L3MBTL4: variants seen among roughly 807,000 people sequenced by gnomAD.
L3MBTL4 encodes L3MBTL histone methyl-lysine binding protein 4.
A neutral mutation model predicts 84.5 loss-of-function variants in L3MBTL4; 70 were observed. The observed-to-expected ratio is 0.83, with a 90% CI of 0.68 to 1.01. The LOEUF (loss-of-function observed/expected upper bound fraction) is 1.01, where lower values mean the gene tolerates loss of function less well. Among genes scored for constraint, L3MBTL4 ranks in the 50% least tolerant of loss-of-function variants. The pLI is 0.00. For synonymous variants in L3MBTL4, 274 were observed against 259.8 expected, an observed-to-expected ratio of 1.05 and a Z score of -0.52; for missense variants, 715 against 754.8, an observed-to-expected ratio of 0.95 and a Z score of 0.62.
At chr18:6,284,227 A>T (rs2049454259) in intron 4 of L3MBTL4, among the ~76,000 whole-genome samples, 1 of 152,232 alleles carries the variant, frequency 6.6e-6, no homozygotes, top group Non-Finnish European at 1.5e-5. Flanking sequence ...CTACAAAGTG[A>T]GCTACCATAC....
chr18:6,398,452 C>A (rs79422952), intron 1 of L3MBTL4, among the ~76,000 whole-genome samples: 1,556 of 152,260 alleles, frequency 0.01, 15 homozygotes, highest in Non-Finnish European at 0.017. Flanking sequence ...ATGCCAACAG[C>A]AAGGACAAGG....
chr18:6,412,606 C>T (rs1232974494), intron 1 of L3MBTL4, among the ~76,000 whole-genome samples: 3 of 152,216 alleles, frequency 2.0e-5, no homozygotes, highest in East Asian at 3.9e-4. Flanking sequence ...AATCTTCCTT[C>T]AGAGTCAGCC....
intron 1 of L3MBTL4, among the ~76,000 whole-genome samples, chr18:6,331,903 A>C (rs1234440948): frequency 6.6e-6 from 1 of 152,026 alleles, no homozygotes; most frequent in Non-Finnish European, 1.5e-5. Context: ...AGGATAAATT[A>C]AGATAACTTA....
At chr18:6,246,068 G>C (rs1037542477) in intron 5 of L3MBTL4, among the ~76,000 whole-genome samples, 1 of 152,140 alleles carries the variant, frequency 6.6e-6, no homozygotes, top group Admixed American at 6.5e-5. Flanking sequence ...AGTCAGCTCT[G>C]TCATATATGG....
chr18:6,021,759 G>A (rs989194115), intron 16 of L3MBTL4, among the ~76,000 whole-genome samples: 7 of 152,116 alleles, frequency 4.6e-5, no homozygotes, highest in Admixed American at 6.5e-5. Context: ...TTCTCCTGGT[G>A]CAGCGGGGTG....
At chr18:6,078,065 G>A (rs1423117719) in intron 16 of L3MBTL4, among the ~76,000 whole-genome samples, 1 of 143,448 alleles carries the variant, frequency 7.0e-6, no homozygotes, top group Admixed American at 7.1e-5. Context: ...ATAAATAAAA[G>A]ACTCCTGATG....
At chr18:6,335,960 A>T (rs545755913) in intron 1 of L3MBTL4, among the ~76,000 whole-genome samples, 1 of 152,122 alleles carries the variant, frequency 6.6e-6, no homozygotes, top group African/African-American at 2.4e-5. Context: ...GTATGTAGTC[A>T]CTCCTTAATT....
At chr18:6,120,572 C>A (rs1320144825) in intron 14 of L3MBTL4, among the ~76,000 whole-genome samples, 1 of 152,190 alleles carries the variant, frequency 6.6e-6, no homozygotes, top group Non-Finnish European at 1.5e-5. Flanking sequence ...GCTCCTAGAA[C>A]AACCACTAAG....
chr18:6,197,843 G>A (rs1276733232), intron 12 of L3MBTL4, among the ~76,000 whole-genome samples: 2 of 152,168 alleles, frequency 1.3e-5, no homozygotes, highest in African/African-American at 4.8e-5. Context: ...TATCACTGCT[G>A]CCCTCGCAAG....
intron 5 of L3MBTL4, among the ~76,000 whole-genome samples, chr18:6,255,555 C>G (rs1021353203): frequency 6.6e-6 from 1 of 152,168 alleles, no homozygotes; most frequent in South Asian, 2.1e-4. Flanking sequence ...AGAGCCCCAG[C>G]AATTAATCAT....
At chr18:6,197,682 T>C (rs2045466511) in intron 12 of L3MBTL4, among the ~76,000 whole-genome samples, 2 of 152,164 alleles carry the variant, frequency 1.3e-5, no homozygotes, top group African/African-American at 4.8e-5. Flanking sequence ...CAGCTTGCCT[T>C]TTGCCAACAC....
intron 12 of L3MBTL4, among the ~76,000 whole-genome samples, chr18:6,192,062 A>C (rs2045130371): frequency 6.6e-6 from 1 of 151,604 alleles, no homozygotes; most frequent in Non-Finnish European, 1.5e-5. Context: ...TATTCAAGAG[A>C]GAAGGGGGAA....
At chr18:6,300,591 T>C (rs917977585) in intron 4 of L3MBTL4, among the ~76,000 whole-genome samples, 2 of 152,182 alleles carry the variant, frequency 1.3e-5, no homozygotes, top group African/African-American at 4.8e-5. Context: ...AAACCGTAAA[T>C]ACTAAATCAG....
At chr18:6,406,512 T>C (rs573554351) in intron 1 of L3MBTL4, among the ~76,000 whole-genome samples, 1 of 152,354 alleles carries the variant, frequency 6.6e-6, no homozygotes, top group South Asian at 2.1e-4. Flanking sequence ...ATGTGTCATC[T>C]GCAAAACAGG....
At chr18:6,002,946 T>C (rs747969518) in intron 16 of L3MBTL4, among the ~76,000 whole-genome samples, 5 of 151,300 alleles carry the variant, frequency 3.3e-5, no homozygotes, top group Non-Finnish European at 7.4e-5. Context: ...ATCTATAAGA[T>C]ACTCATACTC....
intron 16 of L3MBTL4, chr18:6,025,006 T>C (rs2145543092): frequency 6.6e-6 from 1 of 152,322 alleles, no homozygotes; most frequent in Non-Finnish European, 1.5e-5. Context: ...GGCTTTTCTT[T>C]TCCCTGTTTA....
intron 15 of L3MBTL4, among the ~76,000 whole-genome samples, chr18:6,090,896 T>A (rs2058432439): frequency 6.6e-6 from 1 of 151,006 alleles, no homozygotes; most frequent in Admixed American, 6.6e-5. Flanking sequence ...TATAAAAAAA[T>A]TACAGAAGGC....
At chr18:6,118,150 T>C (rs1482372633) in intron 14 of L3MBTL4, among the ~76,000 whole-genome samples, 3 of 141,652 alleles carry the variant, frequency 2.1e-5, no homozygotes, top group African/African-American at 7.9e-5. Flanking sequence ...GCTTCAGGTA[T>C]TTGAAACTGC....
At chr18:6,196,399 T>C (rs757006229) in intron 12 of L3MBTL4, among the ~76,000 whole-genome samples, 45 of 152,254 alleles carry the variant, frequency 3.0e-4, no homozygotes, top group Admixed American at 6.5e-4. Context: ...CCTCATGATC[T>C]GCCCACCCTG....
Sources: allele counts gnomAD v4.1 joint callset (sites outside exome capture counted in the v4.1 genomes callset), GRCh38; gene constraint gnomAD v4.1.1; transcripts MANE v1.5; gene names NCBI Gene and HGNC (gene_info 2026-07-23, HGNC 2026-07-21).